Variants in EEPD1 observed in about 807,000 individuals in gnomAD.
EEPD1 encodes endonuclease/exonuclease/phosphatase family domain containing 1, also known as endonuclease/exonuclease/phosphatase family domain-containing protein 1.
Under a neutral mutation model 46.3 loss-of-function variants are expected in EEPD1, and 17 were observed. That is an observed-to-expected ratio of 0.37 (90% CI 0.25 to 0.55). The LOEUF (loss-of-function observed/expected upper bound fraction) is 0.55. Among genes scored for constraint, EEPD1 ranks in the 20% least tolerant of loss-of-function variants. The probability of loss-of-function intolerance (pLI) is 0.83; values close to 1 mark genes in which losing one functional copy is unlikely to be tolerated. For synonymous variants in EEPD1, 313 were observed against 315.6 expected (o/e 0.99, Z 0.09); for missense variants, 673 against 745.6 (o/e 0.90, Z 1.13).
At chr7:36,272,508 T>TTTTTG (rs1554321109) in intron 3 of EEPD1, among the ~76,000 whole-genome samples, 1 of 140,132 alleles carries the variant, frequency 7.1e-6, no homozygotes, top group African/African-American at 2.7e-5. Context: ...TTGTTGTTGT[T>TTTTTG]TTTTTTTTTT....
chr7:36,196,430 C>T (rs1785587486), intron 2 of EEPD1, among the ~76,000 whole-genome samples: 1 of 151,548 alleles, frequency 6.6e-6, no homozygotes, highest in Admixed American at 6.6e-5. Flanking sequence ...CTCCCTCTCC[C>T]TCTCCTTTCC....
chr7:36,200,809 C>T (rs1785699325), intron 2 of EEPD1, among the ~76,000 whole-genome samples: 2 of 152,330 alleles, frequency 1.3e-5, no homozygotes, highest in African/African-American at 2.4e-5. Flanking sequence ...CATTGCTCCA[C>T]GAGCCCAGCA....
chr7:36,248,110 T>C (rs4723504), intron 3 of EEPD1, among the ~76,000 whole-genome samples: 36,638 of 151,958 alleles, frequency 0.24, 4,547 homozygotes, highest in East Asian at 0.37. Context: ...ACGTGAGAGG[T>C]TGGAGGACGT....
intron 3 of EEPD1, among the ~76,000 whole-genome samples, chr7:36,264,052 CTT>C (rs980849489): frequency 2.0e-5 from 3 of 152,100 alleles, no homozygotes; most frequent in Non-Finnish European, 4.4e-5. Flanking sequence ...GGGGGAGAGA[CTT>C]TTACATGGAT....
intron 2 of EEPD1, among the ~76,000 whole-genome samples, chr7:36,207,559 C>T (rs766969804): frequency 3.3e-5 from 5 of 152,178 alleles, no homozygotes; most frequent in Non-Finnish European, 5.9e-5. Flanking sequence ...AACAATTCAT[C>T]TTGAAAAGGT....
intron 3 of EEPD1, among the ~76,000 whole-genome samples, chr7:36,266,351 A>G (rs1787018616): frequency 6.6e-6 from 1 of 152,138 alleles, no homozygotes; most frequent in South Asian, 2.1e-4. Flanking sequence ...CAGTAACCAT[A>G]TGTGAAGAGA....
chr7:36,195,540 A>C (rs1583800632), intron 2 of EEPD1, among the ~76,000 whole-genome samples: 1 of 152,238 alleles, frequency 6.6e-6, no homozygotes, highest in Admixed American at 6.5e-5. Flanking sequence ...GAATCTAAAA[A>C]AATTAAACTT....
intron 3 of EEPD1, among the ~76,000 whole-genome samples, chr7:36,265,381 C>T (rs1395777915): frequency 6.6e-6 from 1 of 152,204 alleles, no homozygotes; most frequent in African/African-American, 2.4e-5. Context: ...GGGAGCCTGG[C>T]TGCCTAGAGC....
intron 3 of EEPD1, among the ~76,000 whole-genome samples, chr7:36,244,013 A>G (rs899667267): frequency 1.2e-4 from 18 of 152,200 alleles, no homozygotes; most frequent in African/African-American, 3.9e-4. Context: ...TAACCTGCAC[A>G]TTGTGCACAT....
intron 2 of EEPD1, among the ~76,000 whole-genome samples, chr7:36,185,588 G>T (rs1280584884): frequency 1.0e-4 from 1 of 9,860 alleles, no homozygotes; most frequent in South Asian, 0.25. Context: ...TGTGGCAGAC[G>T]TGTACCAGTG....
At chr7:36,187,465 C>T (rs1785379797) in intron 2 of EEPD1, among the ~76,000 whole-genome samples, 1 of 152,174 alleles carries the variant, frequency 6.6e-6, no homozygotes, top group Non-Finnish European at 1.5e-5. Context: ...AATTTGACCA[C>T]TCTACATGTC....
chr7:36,251,404 G>A (rs1438984089), intron 3 of EEPD1, among the ~76,000 whole-genome samples: 3 of 152,054 alleles, frequency 2.0e-5, no homozygotes, highest in South Asian at 4.1e-4. Flanking sequence ...TCCGCCTCCC[G>A]GGTTCAAGCA....
At chr7:36,216,506 G>A (rs1786032298) in intron 2 of EEPD1, among the ~76,000 whole-genome samples, 1 of 152,184 alleles carries the variant, frequency 6.6e-6, no homozygotes, top group African/African-American at 2.4e-5. Flanking sequence ...TTGTAAATCT[G>A]CAAAGCAATT....
chr7:36,264,438 TCACATGGAC>T (rs922785623), intron 3 of EEPD1, among the ~76,000 whole-genome samples: 8 of 152,158 alleles, frequency 5.3e-5, no homozygotes, highest in African/African-American at 1.9e-4. Context: ...CACAGAGCCA[TCACATGGAC>T]CACATCGTGG....
chr7:36,248,134 C>T (rs1217011020), intron 3 of EEPD1, among the ~76,000 whole-genome samples: 1 of 152,074 alleles, frequency 6.6e-6, no homozygotes, highest in African/African-American at 2.4e-5. Flanking sequence ...CTGGACACAC[C>T]TTTCATTTGG....
chr7:36,236,159 C>T (rs1255548937), intron 2 of EEPD1, among the ~76,000 whole-genome samples: 2 of 152,252 alleles, frequency 1.3e-5, no homozygotes, highest in Non-Finnish European at 2.9e-5. Flanking sequence ...CCCTCGCTCA[C>T]TCTCGGCTCC....
At chr7:36,213,238 G>A (rs1206670637) in intron 2 of EEPD1, among the ~76,000 whole-genome samples, 5 of 152,198 alleles carry the variant, frequency 3.3e-5, no homozygotes, top group African/African-American at 1.2e-4. Context: ...CATTCAGGAG[G>A]TGGTTGAGTG....
rs60503175 is a variant in EEPD1, at chr7:36,271,720, C to CTTCTATGGTTTTT, written c.931-9395_931-9394insTTCTATGGTTTTT. On this transcript the variant is annotated intron_variant, in intron 3 of 7. Coordinates refer to ENST00000242108, the MANE Select transcript of EEPD1 (RefSeq NM_030636.3). ...TCCTGAATGGTATTGCCTAGGTTTTCATGGTTTTAGGTTTTACATTTAAGT... is the reference window on the plus strand; with the variant it reads ...TCCTGAATGGTATTGCCTAGGTTTTCTTCTATGGTTTTTATGGTTTTAGGTTTTACATTTAAGT... Among the ~76,000 whole-genome samples, 3 of 55,332 alleles carry CTTCTATGGTTTTT rather than the reference C, an allele frequency of 5.4e-5. 1 individual carries two copies. Among genetic ancestry groups the CTTCTATGGTTTTT allele is most frequent in the Non-Finnish European group, 4.0e-5 (1 of 25,002 alleles). 36.3% of individuals were successfully genotyped at this position (55,332 alleles called of 152,430 possible).
intron 3 of EEPD1, among the ~76,000 whole-genome samples, chr7:36,278,682 C>A (rs1202103512): frequency 6.6e-6 from 1 of 152,204 alleles, no homozygotes; most frequent in African/African-American, 2.4e-5. Context: ...ACTCAGCAAG[C>A]GAATGATTCC....
Sources: allele counts gnomAD v4.1 joint callset (sites outside exome capture counted in the v4.1 genomes callset), GRCh38; gene constraint gnomAD v4.1.1; transcripts MANE v1.5; gene names NCBI Gene and HGNC (gene_info 2026-07-23, HGNC 2026-07-21).